The following LCA5 variants were observed in gnomAD, a reference collection of about 807,000 sequenced individuals.
The protein encoded by LCA5 is lebercilin.
Under a neutral mutation model 53.0 loss-of-function variants are expected in LCA5, and 37 were observed. The ratio of observed to expected loss-of-function variants is 0.70; its 90% confidence interval spans 0.54 to 0.92. The LOEUF (loss-of-function observed/expected upper bound fraction) is 0.92, where lower values mean the gene tolerates loss of function less well. Among genes scored for constraint, LCA5 ranks in the 40% least tolerant of loss-of-function variants. The probability of loss-of-function intolerance (pLI) is 0.00; values close to 1 mark genes in which losing one functional copy is unlikely to be tolerated. For synonymous variants in LCA5, 303 were observed against 282.9 expected (o/e 1.07, Z -0.71); for missense variants, 806 against 790.5 (o/e 1.02, Z -0.23).
At chr6:79,538,031 T>TTG (rs1767210175), upstream of LCA5, among the ~76,000 whole-genome samples, 5 of 108,956 alleles carry the variant, frequency 4.6e-5, no homozygotes, top group South Asian at 1.4e-3. Context: ...TTTTTTTTTT[T>TTG]TTTTTTTTTT....
In LCA5 at chr6:79,518,836, T is replaced by C; in HGVS notation, c.59A>G (p.His20Arg). Residue 20 changes from histidine to arginine, a missense_variant, in exon 2 of 8, where the codon CAT (histidine) becomes CGT (arginine). By Grantham distance (29) the His-to-Arg change is conservative (BLOSUM62 0). Transcript: ENST00000369846. ...TTCAAAATCAGATAAGTAAGAATAA[T>C]GGTGTTTGCCTGCCTTTCTTTCTTG... ...TDQERKAGKH[H>R]YSYLSDFETP... The C allele has an allele frequency of 2.5e-6, 4 of 1,614,138 alleles. No homozygotes were observed. The highest frequency in any genetic ancestry group is 2.5e-6 in the Non-Finnish European group (3 of 1,180,010).
At chr6:79,526,194 G>T (rs964761186) in intron 1 of LCA5, among the ~76,000 whole-genome samples, 1 of 152,106 alleles carries the variant, frequency 6.6e-6, no homozygotes, top group South Asian at 2.1e-4. Flanking sequence ...CGGTGGGGTG[G>T]AAGCCTTTCC....
chr6:79,523,344 A>G (rs1035693872), intron 1 of LCA5, among the ~76,000 whole-genome samples: 1 of 152,218 alleles, frequency 6.6e-6, no homozygotes, highest in South Asian at 2.1e-4. Context: ...CTAGAAAAAA[A>G]GGATAATGAT....
chr6:79,537,224 CT>C lies in LCA5; in HGVS notation c.-252del. 6.5e-6 allele frequency: 1 copy of C among 152,844 alleles called. No individual in the cohort carries two copies. The highest frequency in any genetic ancestry group is 1.5e-5 in the Non-Finnish European group (1 of 68,344). The allele number at this position is 152,844 out of a possible 1,614,324, so 9.5% of individuals were successfully genotyped here. On this transcript the variant is annotated 5_prime_UTR_variant, in exon 1 of 8. Transcript: ENST00000369846. Reference sequence around the variant, plus strand: ...GGCGTCCCGCCTCCTTGCCTTCCCTCTTAGGACCAAACTCCCAGCTGGGGCC... The same window carrying C: ...GGCGTCCCGCCTCCTTGCCTTCCCTCTAGGACCAAACTCCCAGCTGGGGCC...
chr6:79,511,354 A>C (rs1284501365), intron 3 of LCA5, among the ~76,000 whole-genome samples: 2 of 152,164 alleles, frequency 1.3e-5, no homozygotes, highest in Non-Finnish European at 2.9e-5. Flanking sequence ...TATAAGCAAA[A>C]TCTGCTAATG....
At chr6:79,537,930 C>G (rs1767204343), upstream of LCA5, among the ~76,000 whole-genome samples, 1 of 150,230 alleles carries the variant, frequency 6.7e-6, no homozygotes, top group South Asian at 2.1e-4. Context: ...CTGTGAATCA[C>G]CAACGAGCCG....
At chr6:79,498,105 T>C (rs553562520) in intron 3 of LCA5, among the ~76,000 whole-genome samples, 1 of 151,976 alleles carries the variant, frequency 6.6e-6, no homozygotes, top group East Asian at 1.9e-4. Context: ...ATCCCTATTC[T>C]GAAAAAATAC....
rs1440602373 is a variant in LCA5 at position 79,486,305 on chromosome 6, A to G, written c.*699T>C. On this transcript the variant is annotated 3_prime_UTR_variant, in exon 8 of 8. Coordinates refer to ENST00000369846, the MANE Select transcript of LCA5 (RefSeq NM_001122769.3). Reference sequence around the variant, plus strand: ...CACTGTAGCCAAGCTTCTGCGGGCTATGACAGAGAGCAACTAACTGTCCTT... The same window carrying G: ...CACTGTAGCCAAGCTTCTGCGGGCTGTGACAGAGAGCAACTAACTGTCCTT... The G allele has an allele frequency of 3.3e-5, 5 of 152,264 alleles. No homozygotes were observed. The highest frequency in any genetic ancestry group is 1.2e-4 in the African/African-American group (5 of 41,460). The allele number at this position is 152,264 out of a possible 1,614,324, so 9.4% of individuals were successfully genotyped here. A position where few individuals can be genotyped will look rare whatever the true frequency, so the allele number is the denominator to read the frequency against.
chr6:79,518,861 G>A lies in LCA5; in HGVS notation c.34C>T (p.Gln12Ter). The A allele has an allele frequency of 3.1e-6, 5 of 1,614,066 alleles. No homozygotes were observed. The highest frequency in any genetic ancestry group is 4.2e-6 in the Non-Finnish European group (5 of 1,179,994). Residue 12 changes from glutamine to a stop codon, truncating the protein, a stop_gained, in exon 2 of 8, where the codon CAA becomes TAA. Transcript: ENST00000369846. LOFTEE classifies it high-confidence loss of function. The stretch of plus-strand genomic sequence containing the variant: ...TGGTGTTTGCCTGCCTTTCTTTCTT[G>A]ATCAGTACCTGGACTTCCTGCTCTT... ...GERAGSPGTD[Q>*]ERKAGKHHYS...
chr6:79,518,922 TA>T lies in LCA5; in HGVS notation c.-29del. 1 of 1,606,098 alleles carries T rather than the reference TA, an allele frequency of 6.2e-7. No individual in the cohort carries two copies. Among genetic ancestry groups the T allele is most frequent in the Non-Finnish European group, 8.5e-7 (1 of 1,172,732 alleles). ...TTTTGAAAAATGGTCTCTATTCACATAATTTCACAGATTATTTTCTCCAGAG... is the reference window on the plus strand; with the variant it reads ...TTTTGAAAAATGGTCTCTATTCACATATTTCACAGATTATTTTCTCCAGAG... On this transcript the variant is annotated 5_prime_UTR_variant, in exon 2 of 8. Coordinates refer to ENST00000369846, the MANE Select transcript of LCA5 (RefSeq NM_001122769.3).
At chr6:79,490,097 AC>A (rs1769795830) in intron 6 of LCA5, among the ~76,000 whole-genome samples, 1 of 152,094 alleles carries the variant, frequency 6.6e-6, no homozygotes, top group Non-Finnish European at 1.5e-5. Context: ...AAAGCTGTCT[AC>A]CAACTGTGAA....
At chr6:79,515,320 G>A (rs929266688) in intron 2 of LCA5, among the ~76,000 whole-genome samples, 1 of 152,044 alleles carries the variant, frequency 6.6e-6, no homozygotes, top group Non-Finnish European at 1.5e-5. Flanking sequence ...AGAAGTACAG[G>A]TGTGTTTCTA....
intron 3 of LCA5, among the ~76,000 whole-genome samples, chr6:79,506,534 A>G (rs1296360001): frequency 6.6e-6 from 1 of 152,190 alleles, no homozygotes; most frequent in African/African-American, 2.4e-5. Flanking sequence ...GACAGAATTG[A>G]TGCCTTTACT....
chr6:79,486,526 G>C lies in LCA5; in HGVS notation c.*478C>G. 6.4e-6 allele frequency: 1 copy of C among 157,462 alleles called. No homozygotes were observed. Among genetic ancestry groups the C allele is most frequent in the East Asian group, 1.9e-4 (1 of 5,388 alleles). The allele number at this position is 157,462 out of a possible 1,614,324, so 9.8% of individuals were successfully genotyped here. On this transcript the variant is annotated 3_prime_UTR_variant, in exon 8 of 8. Transcript: ENST00000369846. ...CTGCCACGTAAGATAGGGACCCCTG[G>C]CCCTATCCATAAAGGGAAGGGCTCC...
intron 3 of LCA5, among the ~76,000 whole-genome samples, chr6:79,508,639 A>C (rs1199444910): frequency 6.6e-6 from 1 of 152,096 alleles, no homozygotes; most frequent in Non-Finnish European, 1.5e-5. Context: ...GAAAAAAAAA[A>C]ACACCACCAC....
Position 79,492,632 on chromosome 6 carries a change from GTT to G in LCA5, c.872_873del (p.Glu291AlafsTer9). The G allele has an allele frequency of 6.5e-7, 1 of 1,535,000 alleles. No homozygotes were observed. The highest frequency in any genetic ancestry group is 1.2e-5 in the South Asian group (1 of 86,052). On this transcript the variant is annotated frameshift_variant, in exon 5 of 8. Transcript: ENST00000369846. LOFTEE classifies it high-confidence loss of function. The part of the protein sequence containing the change: ...LYHKLKEKER[E>X]LDIKNIYSNR... The stretch of plus-strand genomic sequence containing the variant: ...TTAGAATATATATTTTTTATATCCA[GTT>G]CTCTCTCCTTTTCCTGAAAACAAAC...
At chr6:79,501,139 TA>T (rs1206486636) in intron 3 of LCA5, among the ~76,000 whole-genome samples, 2 of 152,130 alleles carry the variant, frequency 1.3e-5, no homozygotes, top group African/African-American at 4.8e-5. Context: ...AGTGTACGCA[TA>T]AAATAGATGG....
intron 3 of LCA5, among the ~76,000 whole-genome samples, chr6:79,508,393 C>G (rs1024158004): frequency 2.6e-5 from 4 of 152,108 alleles, no homozygotes; most frequent in Non-Finnish European, 5.9e-5. Context: ...TAAGCCTGTA[C>G]CCAACTTACA....
chr6:79,511,246 C>T (rs889399355), intron 3 of LCA5, among the ~76,000 whole-genome samples: 4 of 152,110 alleles, frequency 2.6e-5, no homozygotes, highest in African/African-American at 9.7e-5. Context: ...AACCAAATGT[C>T]CTTCAACAGA....
Sources: allele counts gnomAD v4.1 joint callset (sites outside exome capture counted in the v4.1 genomes callset), GRCh38; gene constraint gnomAD v4.1.1; transcripts MANE v1.5; gene names NCBI Gene and HGNC (gene_info 2026-07-23, HGNC 2026-07-21).